ALCAM: variants seen among roughly 807,000 people sequenced by gnomAD.
ALCAM encodes the protein activated leukocyte cell adhesion molecule.
Under a neutral mutation model 70.9 loss-of-function variants are expected in ALCAM, and 30 were observed. The ratio of observed to expected loss-of-function variants is 0.42; its 90% CI spans 0.32 to 0.57. The LOEUF is 0.57. ALCAM is among the 20% of genes least tolerant of loss of function. The probability of loss-of-function intolerance (pLI) is 0.11; values close to 1 mark genes in which losing one functional copy is unlikely to be tolerated. For synonymous variants in ALCAM, 249 were observed against 242.5 expected (o/e 1.03, Z -0.25); for missense variants, 591 against 695.1 (o/e 0.85, Z 1.68).
chr3:105,533,508 C>A, intron 4 of ALCAM, 95 bp from the exon 5 acceptor site: 3 of 1,000,126 alleles, frequency 3.0e-6, no homozygotes, highest in East Asian at 2.5e-5. Context: ...TCAAGAAACC[C>A]TTGGAATAAC....
intron 1 of ALCAM, among the ~76,000 whole-genome samples, chr3:105,426,514 A>T (rs752196235): frequency 1.5e-4 from 23 of 151,904 alleles, no homozygotes; most frequent in Non-Finnish European, 2.7e-4. Flanking sequence ...ATATTAAAAA[A>T]GTCTCTTCTA....
intron 6 of ALCAM, among the ~76,000 whole-genome samples, chr3:105,538,688 A>T (rs1940036239): frequency 6.6e-6 from 1 of 152,114 alleles, no homozygotes; most frequent in African/African-American, 2.4e-5. Flanking sequence ...CAAGTAAGAA[A>T]AGCAAGAGAG....
intron 1 of ALCAM, among the ~76,000 whole-genome samples, chr3:105,467,411 G>A (rs888855562): frequency 8.6e-5 from 13 of 151,072 alleles, no homozygotes; most frequent in Non-Finnish European, 1.9e-4. Context: ...ATGTCTCTGC[G>A]TGGATTGCTG....
At position 105,550,219 on chromosome 3, in the gene ALCAM, C is replaced by T; in HGVS notation, c.1467C>T (p.Asn489=). The change falls in exon 12 of 16, where the codon AAC becomes AAT. Residue 489 remains asparagine, a synonymous_variant. Coordinates refer to ENST00000306107, the MANE Select transcript of ALCAM (RefSeq NM_001627.4). ...ENVTLTCTAE[N]QLERTVNSLN... is the part of the protein sequence containing the mutation. Reference sequence around the variant, plus strand: ...TTACATTAACTTGCACAGCAGAAAACCAACTGGAGAGAACAGTAAACTCCT... The same window carrying T: ...TTACATTAACTTGCACAGCAGAAAATCAACTGGAGAGAACAGTAAACTCCT... 1 of 1,608,638 alleles carries T rather than the reference C, an allele frequency of 6.2e-7. No homozygotes were observed. Among genetic ancestry groups the T allele is most frequent in the Non-Finnish European group, 8.5e-7 (1 of 1,176,584 alleles).
In ALCAM at chr3:105,497,969, T is replaced by C. The variant is rs567282074; in HGVS notation, c.74-22098T>C. Among the ~76,000 whole-genome samples the C allele has an allele frequency of 2.0e-5, 3 of 150,970 alleles. No homozygotes were observed. In the East Asian group the frequency reaches 5.8e-4, roughly 29 times the overall value. On this transcript the variant is annotated intron_variant, in intron 1 of 15. Transcript: ENST00000306107. ...TGGTGTGAACCTGGGAGGCGGAGCTTGCAGTGAGCCAAGATCACACCACTG... is the reference window on the plus strand; with the variant it reads ...TGGTGTGAACCTGGGAGGCGGAGCTCGCAGTGAGCCAAGATCACACCACTG...
intron 1 of ALCAM, among the ~76,000 whole-genome samples, chr3:105,437,343 A>C (rs1457516110): frequency 6.6e-6 from 1 of 152,138 alleles, no homozygotes; most frequent in Non-Finnish European, 1.5e-5. Flanking sequence ...ATAAGTAATT[A>C]TTTGCTTTGA....
intron 14 of ALCAM, among the ~76,000 whole-genome samples, chr3:105,559,299 A>G (rs1470000751): frequency 8.0e-6 from 1 of 124,644 alleles, no homozygotes; most frequent in Non-Finnish European, 1.7e-5. Context: ...ATATACATAT[A>G]TTATATATAT....
chr3:105,437,114 A>G (rs926094178), intron 1 of ALCAM, among the ~76,000 whole-genome samples: 1 of 152,198 alleles, frequency 6.6e-6, no homozygotes, highest in African/African-American at 2.4e-5. Flanking sequence ...ACCTCTGGCA[A>G]AAATATTGGT....
At chr3:105,534,987 T>C (rs1196289403) in intron 6 of ALCAM, 142 bp downstream of exon 6, 1 of 722,146 alleles carries the variant, frequency 1.4e-6, no homozygotes, top group African/African-American at 1.8e-5. Flanking sequence ...CCAAATAATC[T>C]CTTCCTCTTT....
At chr3:105,469,508 A>T (rs1347793) in intron 1 of ALCAM, among the ~76,000 whole-genome samples, 2 of 151,114 alleles carry the variant, frequency 1.3e-5, no homozygotes, top group Admixed American at 6.6e-5. Flanking sequence ...GTAAACAGAA[A>T]GTAGAAAAAA....
At chr3:105,434,094 T>G (rs554226085) in intron 1 of ALCAM, among the ~76,000 whole-genome samples, 69 of 152,278 alleles carry the variant, frequency 4.5e-4, no homozygotes, top group Admixed American at 7.2e-4. Context: ...CATTAAGAAT[T>G]TCATGATTCA....
Position 105,545,292 on chromosome 3 carries a change from G to A in ALCAM, c.1061G>A (p.Cys354Tyr), listed in dbSNP as rs1940217379. ...ATTGGTGATGCCCTACCCGTGTCAT[G>A]CACAATATCTGCTAGCAGGAATGCA... Reference protein sequence around the residue: ...RQIGDALPVSCTISASRNATV... With the variant: ...RQIGDALPVSYTISASRNATV... The change falls in exon 9 of 16, where the codon TGC (cysteine) becomes TAC (tyrosine). Residue 354 changes from cysteine to tyrosine, a missense_variant. Around this residue, in one of 2 missense-constraint regions of ALCAM, gnomAD observed 427 missense variants for 450.4 expected, o/e 0.95. Coordinates refer to ENST00000306107, the MANE Select transcript of ALCAM (RefSeq NM_001627.4). 6.2e-7 allele frequency: 1 copy of A among 1,608,890 alleles called. No homozygotes were observed. The highest frequency in any genetic ancestry group is 8.5e-7 in the Non-Finnish European group (1 of 1,176,260).
intron 9 of ALCAM, among the ~76,000 whole-genome samples, chr3:105,546,332 T>G (rs1360628571): frequency 6.6e-6 from 1 of 151,436 alleles, no homozygotes; most frequent in Non-Finnish European, 1.5e-5. Context: ...ATGAAATTAT[T>G]TTGTATTGCT....
chr3:105,400,953 C>T (rs887172845), intron 1 of ALCAM, among the ~76,000 whole-genome samples: 6 of 152,138 alleles, frequency 3.9e-5, no homozygotes, highest in African/African-American at 1.4e-4. Flanking sequence ...TGTATTAAAG[C>T]ATTTTGTACA....
chr3:105,403,478 G>A (rs574824655), intron 1 of ALCAM, among the ~76,000 whole-genome samples: 4 of 152,176 alleles, frequency 2.6e-5, no homozygotes, highest in South Asian at 2.1e-4. Flanking sequence ...ACCTAGAAGA[G>A]CAAAAACAAT....
At chr3:105,464,082 A>G (rs1937648571) in intron 1 of ALCAM, among the ~76,000 whole-genome samples, 1 of 151,400 alleles carries the variant, frequency 6.6e-6, no homozygotes, top group Non-Finnish European at 1.5e-5. Flanking sequence ...AGAGGACTAA[A>G]TAGTGCATGG....
At chr3:105,535,641 C>T (rs1939950790) in intron 6 of ALCAM, among the ~76,000 whole-genome samples, 1 of 152,054 alleles carries the variant, frequency 6.6e-6, no homozygotes, top group African/African-American at 2.4e-5. Flanking sequence ...CATGCTACAT[C>T]ACACATTAAA....
rs1030822723 is a variant in ALCAM, at chr3:105,420,602, C to T, written c.73+53121C>T. On this transcript the variant is annotated intron_variant, in intron 1 of 15. Coordinates refer to ENST00000306107, the MANE Select transcript of ALCAM (RefSeq NM_001627.4). Reference sequence around the variant, plus strand: ...TTTTGTCATAATATCTTCCTTAGCTCACAGGACATTTATTAATGCCACTCC... The same window carrying T: ...TTTTGTCATAATATCTTCCTTAGCTTACAGGACATTTATTAATGCCACTCC... Among the ~76,000 whole-genome samples the T allele has an allele frequency of 4.6e-5, 7 of 151,618 alleles. 1 individual carries two copies. The highest frequency in any genetic ancestry group is 1.7e-4 in the African/African-American group (7 of 41,368).
intron 1 of ALCAM, among the ~76,000 whole-genome samples, chr3:105,475,551 A>G (rs1055250518): frequency 2.0e-5 from 3 of 152,022 alleles, no homozygotes; most frequent in Admixed American, 1.3e-4. Flanking sequence ...TAATTGGCGC[A>G]TAAGTTTTAA....
Sources: allele counts gnomAD v4.1 joint callset (sites outside exome capture counted in the v4.1 genomes callset), GRCh38; gene constraint gnomAD v4.1.1; regional missense constraint gnomAD v4.1.1; transcripts MANE v1.5; gene names NCBI Gene and HGNC (gene_info 2026-07-23, HGNC 2026-07-21).